Variants in PTOV1 observed in about 807,000 individuals in gnomAD.
The protein encoded by PTOV1 is prostate tumor-overexpressed gene 1 protein.
Under a neutral mutation model 58.0 loss-of-function variants are expected in PTOV1, and 20 were observed. That is an observed-to-expected ratio of 0.34 (90% CI 0.24 to 0.50). The LOEUF (loss-of-function observed/expected upper bound fraction) is 0.50, where lower values mean the gene tolerates loss of function less well. Among genes scored for constraint, PTOV1 ranks in the 20% least tolerant of loss-of-function variants. PTOV1 has a pLI of 0.98. For missense variants in PTOV1, 593 were observed against 565.4 expected, an observed-to-expected ratio of 1.05 and a Z score of -0.50; for synonymous variants, 335 against 234.2, an observed-to-expected ratio of 1.43 and a Z score of -3.93.
intron 1 of PTOV1, among the ~76,000 whole-genome samples, chr19:49,853,536 G>A (rs577991892): frequency 4.0e-5 from 6 of 151,874 alleles, no homozygotes; most frequent in Admixed American, 1.3e-4. Context: ...ATGATGGCGC[G>A]GCTTGCAGTG....
Position 49,857,329 on chromosome 19 carries a change from G to A in PTOV1, c.714+199G>A, listed in dbSNP as rs1019672165. 2.0e-5 allele frequency: 15 copies of A among 748,482 alleles called. No homozygotes were observed. The East Asian group carries it at 3.8e-4, about 19-fold the overall frequency. The allele number at this position is 748,482 out of a possible 1,614,324, so 46.4% of individuals were successfully genotyped here. On this transcript the variant is annotated intron_variant, in intron 6 of 11. Coordinates refer to ENST00000391842, the Ensembl canonical transcript of PTOV1. ...GCCACTGGGCGGCTCTGCAGGGCTG[G>A]AGGGTGGGTCTTGGCGCGGCGGCAG...
chr19:49,858,476 G>GA (rs2074582335), intron 9 of PTOV1, 73 bp from the exon 10 acceptor site: 1 of 1,252,272 alleles, frequency 8.0e-7, no homozygotes, highest in Non-Finnish European at 1.1e-6. Flanking sequence ...GGGCCCGGGG[G>GA]ACTCAGCGGG....
chr19:49,858,677 G>A (rs191131310), intron 10 of PTOV1, 24 bp downstream of exon 10: 93 of 1,560,000 alleles, frequency 6.0e-5, no homozygotes, highest in South Asian at 3.5e-5. Flanking sequence ...GCAGACGCAG[G>A]GGAGGGGCCG....
At chr19:49,858,416 A>T in intron 9 of PTOV1, 133 bp from the exon 10 acceptor site, 1 of 741,030 alleles carries the variant, frequency 1.3e-6, no homozygotes, top group East Asian at 2.7e-5. Flanking sequence ...TGAGCGGTGG[A>T]GATGACGTTT....
At chr19:49,852,887 G>C (rs1453684381) in intron 1 of PTOV1, 1 of 152,218 alleles carries the variant, frequency 6.6e-6, no homozygotes, top group African/African-American at 2.4e-5. Flanking sequence ...GTCACCTCCA[G>C]CTGTGCGTTT....
At chr19:49,859,700 G>A (rs2074661425) in intron 10 of PTOV1, among the ~76,000 whole-genome samples, 1 of 152,164 alleles carries the variant, frequency 6.6e-6, no homozygotes, top group African/African-American at 2.4e-5. Context: ...GGTTGGCTCA[G>A]GTGGCTGTGG....
At chr19:49,860,004 T>G (rs780961582) in exon 11 of PTOV1, 1 of 1,614,162 alleles carries the variant, frequency 6.2e-7, no homozygotes, top group Non-Finnish European at 8.5e-7. Flanking sequence ...CGTGCACTTT[T>G]CCTACAAAGC....
At position 49,860,463 on chromosome 19, in the gene PTOV1, G is replaced by T. The variant is rs562779165; in HGVS notation, c.*184G>T. 32 of 928,848 alleles carry T rather than the reference G, an allele frequency of 3.4e-5. No homozygotes were observed. In the South Asian group the frequency reaches 5.3e-4, roughly 15 times the overall value. 57.5% of individuals were successfully genotyped at this position (928,848 alleles called of 1,614,324 possible). A position where few individuals can be genotyped will look rare whatever the true frequency, so the allele number is the denominator to read the frequency against. On this transcript the variant is annotated 3_prime_UTR_variant, in exon 12 of 12. Coordinates refer to ENST00000391842, the Ensembl canonical transcript of PTOV1. ...CAGAGGGAGAGGCAGCAGTCCCAGC[G>T]GTCCTAGGCTGTCGGGAAACTGCAG... is the stretch of plus-strand genomic sequence containing the variant.
chr19:49,856,718 G>T (rs1193799593), intron 5 of PTOV1: 8 of 488,128 alleles, frequency 1.6e-5, no homozygotes, highest in African/African-American at 3.9e-5. Flanking sequence ...TGGGTGGGAG[G>T]TAGTGCCTTC....
At chr19:49,857,724 C>T (rs761809145) in exon 7 of PTOV1, 11 of 1,614,166 alleles carry the variant, frequency 6.8e-6, no homozygotes, top group East Asian at 6.7e-5. Flanking sequence ...AACTCAGGCC[C>T]AGTCCAGATC....
exon 7 of PTOV1, chr19:49,857,752 G>A (rs2074543086): frequency 6.2e-7 from 1 of 1,614,188 alleles, no homozygotes; most frequent in Non-Finnish European, 8.5e-7. Flanking sequence ...ACAAGTTTCT[G>A]GCATGGAGTG....
At chr19:49,855,890 G>C (rs955340923) in intron 5 of PTOV1, among the ~76,000 whole-genome samples, 1 of 152,110 alleles carries the variant, frequency 6.6e-6, no homozygotes, top group Non-Finnish European at 1.5e-5. Flanking sequence ...TCTGGCGCAG[G>C]GCAGGTCAGA....
chr19:49,855,607 T>C, intron 5 of PTOV1: 1 of 175,194 alleles, frequency 5.7e-6, no homozygotes, highest in Non-Finnish European at 1.2e-5. Context: ...AGCCAGTGGC[T>C]GTGCAGGGAC....
In PTOV1 at chr19:49,854,624, C is replaced by T. The variant is rs201967614; in HGVS notation, c.310-28C>T. ...GACAGGCCAGGGCATCTAGGCTGTG[C>T]ACAGTGACGCCCCTCCTGCCCCCAC... On this transcript the variant is annotated intron_variant, in intron 2 of 11. Transcript: ENST00000391842. 3.1e-6 allele frequency: 5 copies of T among 1,613,250 alleles called. No homozygotes were observed. In the African/African-American group the frequency reaches 5.3e-5, roughly 17 times the overall value.
intron 10 of PTOV1, among the ~76,000 whole-genome samples, chr19:49,859,587 A>G (rs1297685230): frequency 1.3e-5 from 2 of 151,326 alleles, no homozygotes; most frequent in Admixed American, 6.6e-5. Context: ...AAAAAAAAAA[A>G]GTTTCCTCAA....
intron 1 of PTOV1, chr19:49,853,084 G>A (rs1450828546): frequency 6.6e-6 from 1 of 151,914 alleles, no homozygotes; most frequent in Non-Finnish European, 1.5e-5. Flanking sequence ...AATCACCTGC[G>A]TGGGTGGAGA....
At chr19:49,857,358 A>G in intron 6 of PTOV1, 1 of 645,680 alleles carries the variant, frequency 1.5e-6, no homozygotes, top group Non-Finnish European at 2.6e-6. Flanking sequence ...GCGGCAGGGA[A>G]GCCAGCGGAG....
chr19:49,857,397 C>T (rs2074521903), intron 6 of PTOV1: 4 of 613,332 alleles, frequency 6.5e-6, no homozygotes, highest in Non-Finnish European at 2.9e-6. Flanking sequence ...TTGGGATCGT[C>T]CTGCGGCTGG....
chr19:49,858,216 G>A, intron 9 of PTOV1, 102 bp downstream of exon 9: 1 of 1,407,272 alleles, frequency 7.1e-7, no homozygotes, highest in Non-Finnish European at 9.6e-7. Context: ...AGCTGGCTGT[G>A]AGGGAGCGGA....
Sources: allele counts gnomAD v4.1 joint callset (sites outside exome capture counted in the v4.1 genomes callset), GRCh38; gene constraint gnomAD v4.1.1; transcripts MANE v1.5; gene names NCBI Gene and HGNC (gene_info 2026-07-23, HGNC 2026-07-21).